AFDN: variants seen among roughly 807,000 people sequenced by gnomAD.
AFDN encodes the protein afadin.
In AFDN, 68 loss-of-function variants were observed where a neutral mutation model predicts 216.6. The observed-to-expected ratio is 0.31, with a 90% CI of 0.26 to 0.38. The LOEUF (loss-of-function observed/expected upper bound fraction) is 0.38, where lower values mean the gene tolerates loss of function less well. AFDN is among the 10% of genes least tolerant of loss of function. The probability of loss-of-function intolerance (pLI) is 1.00; values close to 1 mark genes in which losing one functional copy is unlikely to be tolerated. For synonymous variants in AFDN, 868 were observed against 853.7 expected (o/e 1.02, Z -0.29); for missense variants, 2,136 against 2,342.0 (o/e 0.91, Z 1.82).
chr6:167,922,406 TGTAA>T (rs566875909), intron 21 of AFDN, among the ~76,000 whole-genome samples: 2,284 of 152,334 alleles, frequency 0.015, 21 homozygotes, highest in Non-Finnish European at 0.023. Flanking sequence ...GTAATTTGAA[TGTAA>T]GTAGTTGAAC....
At chr6:167,897,750 A>G (rs1481762084) in intron 10 of AFDN, among the ~76,000 whole-genome samples, 1 of 146,576 alleles carries the variant, frequency 6.8e-6, no homozygotes, top group Non-Finnish European at 1.5e-5. Flanking sequence ...TGGTTCAAGC[A>G]ATTCTCCTGC....
chr6:167,850,405 G>GT (rs953797113), intron 1 of AFDN, among the ~76,000 whole-genome samples: 9 of 151,382 alleles, frequency 5.9e-5, no homozygotes, highest in Non-Finnish European at 1.2e-4. Context: ...GTTGCTTTAA[G>GT]TTTTTTTTTC....
intron 23 of AFDN, among the ~76,000 whole-genome samples, chr6:167,942,064 T>TG (rs1419175056): frequency 2.0e-5 from 3 of 152,186 alleles, no homozygotes; most frequent in East Asian, 3.9e-4. Context: ...ACAGGCGTTT[T>TG]GTTTTGGTTT....
chr6:167,947,625 CACAGAGCT>C lies in AFDN; in HGVS notation c.3554-224_3554-217del, dbSNP rs1228442303. ...ATGTTTACCAGTCCCTGGCCTGATA[CACAGAGCT>C]ACAAAGGTTTTTTTGTAGCTCTGGG... On this transcript the variant is annotated intron_variant, in intron 27 of 33. Coordinates refer to ENST00000683244, the MANE Select transcript of AFDN (RefSeq NM_001386888.1). Among the ~76,000 whole-genome samples, 5 of 152,280 alleles carry C rather than the reference CACAGAGCT, an allele frequency of 3.3e-5. No homozygotes were observed. The East Asian group carries it at 9.6e-4, about 29-fold the overall frequency.
intron 30 of AFDN, among the ~76,000 whole-genome samples, chr6:167,955,297 T>TC (rs1420618554): frequency 8.2e-6 from 1 of 122,002 alleles, no homozygotes; most frequent in East Asian, 5.5e-4. Flanking sequence ...CCCCTTTTCC[T>TC]TCCCCCCTCA....
chr6:167,944,095 T>C (rs780199855), intron 26 of AFDN, 36 bp downstream of exon 26: 6 of 1,510,556 alleles, frequency 4.0e-6, no homozygotes, highest in Non-Finnish European at 5.5e-6. Context: ...TGTTTTACAG[T>C]CATGGCCTCT....
At chr6:167,867,345 A>T (rs1784291544) in intron 2 of AFDN, among the ~76,000 whole-genome samples, 1 of 152,110 alleles carries the variant, frequency 6.6e-6, no homozygotes, top group African/African-American at 2.4e-5. Flanking sequence ...CAGTTGATAA[A>T]ATAATTATCC....
At chr6:167,854,061 G>T (rs1782614349) in intron 1 of AFDN, among the ~76,000 whole-genome samples, 1 of 151,844 alleles carries the variant, frequency 6.6e-6, no homozygotes, top group Non-Finnish European at 1.5e-5. Flanking sequence ...TGCACCTTGG[G>T]TATATACTTT....
At chr6:167,955,503 CAG>C (rs1399663414) in intron 30 of AFDN, among the ~76,000 whole-genome samples, 1 of 151,950 alleles carries the variant, frequency 6.6e-6, no homozygotes. Flanking sequence ...AGATATTGAT[CAG>C]AGTCACCTTA....
chr6:167,847,019 C>G (rs34049558), intron 1 of AFDN, among the ~76,000 whole-genome samples: 44 of 152,100 alleles, frequency 2.9e-4, no homozygotes, highest in African/African-American at 1.1e-3. Context: ...AATTTTAAAG[C>G]TGAAAGTTAA....
rs59521151 is a variant in AFDN, at chr6:167,956,114, CAAAAAAAAAAAA to C, written c.4833+3942_4833+3953del. On this transcript the variant is annotated intron_variant, in intron 30 of 33. Coordinates refer to ENST00000683244, the MANE Select transcript of AFDN (RefSeq NM_001386888.1). ...TGGGGAACAGAGCGAGACTTTGGCT[CAAAAAAAAAAAA>C]AAAAAAAAAAAAAACTATAGAATTC... 1.1e-3 allele frequency among the ~76,000 whole-genome samples: 44 copies of C among 41,298 alleles called. 1 individual carries two copies. The highest frequency in any genetic ancestry group is 3.4e-3 in the African/African-American group (37 of 11,040). 27.1% of individuals were successfully genotyped at this position (41,298 alleles called of 152,430 possible). A position where few individuals can be genotyped will look rare whatever the true frequency, so the allele number is the denominator to read the frequency against.
intron 1 of AFDN, among the ~76,000 whole-genome samples, chr6:167,843,237 A>T (rs886616946): frequency 1.3e-5 from 2 of 152,168 alleles, no homozygotes; most frequent in African/African-American, 4.8e-5. Context: ...TAATGTCCCC[A>T]ATATTTCATC....
intron 23 of AFDN, among the ~76,000 whole-genome samples, chr6:167,927,628 G>A (rs1792735193): frequency 6.6e-6 from 1 of 152,142 alleles, no homozygotes; most frequent in African/African-American, 2.4e-5. Context: ...TTAGCGTATG[G>A]GTTGAAGGTG....
intron 20 of AFDN, 45 bp downstream of exon 20, chr6:167,917,277 G>A (rs372844674): frequency 2.1e-6 from 3 of 1,424,956 alleles, no homozygotes; most frequent in Non-Finnish European, 2.8e-6. Context: ...GGACATGTTT[G>A]CATGGGGACA....
chr6:167,939,184 T>C (rs1418875567), intron 23 of AFDN, among the ~76,000 whole-genome samples: 2 of 152,238 alleles, frequency 1.3e-5, no homozygotes, highest in Admixed American at 6.5e-5. Context: ...ATATTATTGC[T>C]AAACATTTTT....
At chr6:167,913,634 G>A (rs1790685495) in intron 16 of AFDN, 2 of 554,764 alleles carry the variant, frequency 3.6e-6, no homozygotes, top group Non-Finnish European at 3.2e-6. Context: ...GTGTGGATAT[G>A]AAATGACAAA....
chr6:167,855,162 T>C (rs1174011240), intron 1 of AFDN, among the ~76,000 whole-genome samples: 1 of 152,080 alleles, frequency 6.6e-6, no homozygotes, highest in Non-Finnish European at 1.5e-5. Flanking sequence ...GGTATTCTAG[T>C]TTACTTAAGT....
At chr6:167,894,840 G>T (rs141938201) in intron 9 of AFDN, among the ~76,000 whole-genome samples, 1 of 152,172 alleles carries the variant, frequency 6.6e-6, no homozygotes, top group Non-Finnish European at 1.5e-5. Flanking sequence ...CCTTTCAGAA[G>T]CATTCAGAAT....
chr6:167,857,018 A>T (rs1782974869), intron 1 of AFDN, among the ~76,000 whole-genome samples: 1 of 152,126 alleles, frequency 6.6e-6, no homozygotes, highest in Non-Finnish European at 1.5e-5. Context: ...ACACAGTAAA[A>T]AGTTTAAAAG....
Sources: allele counts gnomAD v4.1 joint callset (sites outside exome capture counted in the v4.1 genomes callset), GRCh38; gene constraint gnomAD v4.1.1; transcripts MANE v1.5; gene names NCBI Gene and HGNC (gene_info 2026-07-23, HGNC 2026-07-21).